Variants in BBS9 observed in about 807,000 individuals in gnomAD.
The protein encoded by BBS9 is Bardet-Biedl syndrome 9.
BBS9 carries 89 observed loss-of-function variants against 117.7 expected under a neutral mutation model. The observed-to-expected ratio is 0.76, with a 90% CI of 0.64 to 0.90. The LOEUF is 0.90. Ranked by LOEUF, BBS9 falls within the 40% of genes least tolerant of loss-of-function variation. The pLI, the probability that BBS9 is intolerant of heterozygous loss-of-function variation, is 0.00. For missense variants in BBS9, 982 were observed against 1,042.2 expected (o/e 0.94, Z 0.80); for synonymous variants, 379 against 370.9 (o/e 1.02, Z -0.25).
intron 19 of BBS9, among the ~76,000 whole-genome samples, chr7:33,442,094 G>A (rs936469523): frequency 6.6e-6 from 1 of 152,068 alleles, no homozygotes; most frequent in Admixed American, 6.6e-5. Context: ...GTTTCACCAT[G>A]TTGGGCAGGC....
At chr7:33,359,779 T>C (rs1584484191) in intron 16 of BBS9, among the ~76,000 whole-genome samples, 2 of 152,232 alleles carry the variant, frequency 1.3e-5, no homozygotes, top group Admixed American at 6.5e-5. Flanking sequence ...ACTCTACATG[T>C]CTTCCCATTT....
intron 21 of BBS9, among the ~76,000 whole-genome samples, chr7:33,628,927 A>G (rs1462008433): frequency 6.6e-6 from 1 of 152,234 alleles, no homozygotes. Context: ...AACAGGAAAG[A>G]CACAAACAAC....
At chr7:33,388,304 A>G (rs1328419776) in intron 19 of BBS9, among the ~76,000 whole-genome samples, 160 bp downstream of exon 19, 7 of 152,216 alleles carry the variant, frequency 4.6e-5, no homozygotes, top group Non-Finnish European at 8.8e-5. Context: ...CCTAGGTTCA[A>G]AGTCAAACTC....
At chr7:33,353,504 G>A (rs1334972586) in intron 15 of BBS9, among the ~76,000 whole-genome samples, 1 of 151,974 alleles carries the variant, frequency 6.6e-6, no homozygotes, top group Non-Finnish European at 1.5e-5. Flanking sequence ...CTCCTTTTAG[G>A]TTTTGAGCTT....
chr7:33,408,035 C>T (rs905938683), intron 19 of BBS9, among the ~76,000 whole-genome samples: 1 of 152,238 alleles, frequency 6.6e-6, no homozygotes, highest in African/African-American at 2.4e-5. Context: ...GCCCTGCCCC[C>T]AGAGGTGGAG....
At chr7:33,197,101 T>C (rs1313249708) in intron 5 of BBS9, among the ~76,000 whole-genome samples, 1 of 152,040 alleles carries the variant, frequency 6.6e-6, no homozygotes, top group Non-Finnish European at 1.5e-5. Flanking sequence ...TTTCTTAGTG[T>C]TGTTTGAAAA....
chr7:33,206,847 G>A (rs1192506306), intron 5 of BBS9, among the ~76,000 whole-genome samples: 3 of 151,970 alleles, frequency 2.0e-5, no homozygotes, highest in African/African-American at 7.2e-5. Flanking sequence ...TCTAGGCTAG[G>A]GATAGGCATT....
chr7:33,544,859 G>C (rs993400086), intron 21 of BBS9, among the ~76,000 whole-genome samples: 1 of 152,004 alleles, frequency 6.6e-6, no homozygotes, highest in East Asian at 1.9e-4. Context: ...TCCTTGAGGG[G>C]GTCTTGTTGC....
At chr7:33,152,944 G>T (rs1793577560) in intron 3 of BBS9, 93 bp downstream of exon 3, 1 of 1,380,842 alleles carries the variant, frequency 7.2e-7, no homozygotes, top group Non-Finnish European at 1.0e-6. Flanking sequence ...GACTATCCAT[G>T]AATTAAATAT....
chr7:33,383,756 A>T lies in BBS9; in HGVS notation c.1880A>T (p.Gln627Leu). The T allele has an allele frequency of 1.9e-6, 3 of 1,612,930 alleles. No homozygotes were observed. The highest frequency in any genetic ancestry group is 2.5e-6 in the Non-Finnish European group (3 of 1,179,622). The part of the protein sequence containing the change: ...ILRLQEYFEK[Q>L]GVKDFACSFS... ...CGCCTTCAAGAATATTTTGAAAAAC[A>T]GGGAGTCAAAGATTTTGCATGTTCT... The change falls in exon 18 of 23, where the codon CAG becomes CTG. Residue 627 changes from glutamine (Q) to leucine (L), a missense_variant. Gln to Leu is a moderately radical substitution (Grantham distance 113). Transcript: ENST00000242067.
At chr7:33,521,473 G>A (rs552318786) in intron 20 of BBS9, among the ~76,000 whole-genome samples, 2 of 152,112 alleles carry the variant, frequency 1.3e-5, no homozygotes, top group African/African-American at 4.8e-5. Flanking sequence ...TGTGAGTTGT[G>A]ACAAAGATAC....
chr7:33,355,468 A>T (rs1483810931), intron 15 of BBS9, among the ~76,000 whole-genome samples: 1 of 151,958 alleles, frequency 6.6e-6, no homozygotes, highest in East Asian at 1.9e-4. Flanking sequence ...AAAGGATTTC[A>T]TAACTTTTTC....
Position 33,388,066 on chromosome 7 carries a change from G to A in BBS9, c.2037G>A (p.Arg679=), listed in dbSNP as rs774728969. ...RAVQFRAIQR[R]LLARFKDKTP... is the part of the protein sequence containing the mutation. ...TACAATTTCGGGCCATTCAACGCCGGCTACTAGCAAGATTCAAAGATAAAA... is the reference window on the plus strand; with the variant it reads ...TACAATTTCGGGCCATTCAACGCCGACTACTAGCAAGATTCAAAGATAAAA... The change falls in exon 19 of 23, where the codon CGG becomes CGA. Residue 679 remains arginine, a synonymous_variant. Coordinates refer to ENST00000242067, the MANE Select transcript of BBS9 (RefSeq NM_198428.3). 1.2e-6 allele frequency: 2 copies of A among 1,614,098 alleles called. No homozygotes were observed. The highest frequency in any genetic ancestry group is 2.2e-5 in the East Asian group (1 of 44,868).
intron 5 of BBS9, among the ~76,000 whole-genome samples, chr7:33,211,602 A>T (rs2128225821): frequency 6.6e-6 from 1 of 152,242 alleles, no homozygotes; most frequent in Non-Finnish European, 1.5e-5. Context: ...TTCATCATTT[A>T]GTCTTTCTAC....
chr7:33,388,507 C>A (rs1199630481), intron 19 of BBS9, among the ~76,000 whole-genome samples: 2 of 152,140 alleles, frequency 1.3e-5, no homozygotes, highest in Non-Finnish European at 1.5e-5. Flanking sequence ...TTGGTGCATT[C>A]CATAATTATT....
chr7:33,408,430 G>T (rs1173776221), intron 19 of BBS9, among the ~76,000 whole-genome samples: 2 of 152,094 alleles, frequency 1.3e-5, no homozygotes, highest in African/African-American at 4.8e-5. Flanking sequence ...CTGGTGCACG[G>T]TGTGCTGCAC....
At chr7:33,357,625 T>C (rs1429221749) in intron 15 of BBS9, 2 of 593,144 alleles carry the variant, frequency 3.4e-6, no homozygotes, top group Non-Finnish European at 6.0e-6. Flanking sequence ...TAAAGACAGA[T>C]CTCATGTCTA....
In BBS9 at chr7:33,402,636, CA is replaced by C. The variant is rs1300014881; in HGVS notation, c.2115+14493del. Among the ~76,000 whole-genome samples, 8 of 152,276 alleles carry C rather than the reference CA, an allele frequency of 5.3e-5. No homozygotes were observed. The South Asian group carries it at 1.7e-3, about 32-fold the overall frequency. ...GTCTTTAGCATCTTTTACCTAATAT[CA>C]TGTTTTTGAGGTTCATCTATCAGTT... On this transcript the variant is annotated intron_variant, in intron 19 of 22. Coordinates refer to ENST00000242067, the MANE Select transcript of BBS9 (RefSeq NM_198428.3).
At chr7:33,215,614 C>T (rs1029110407) in intron 5 of BBS9, among the ~76,000 whole-genome samples, 2 of 152,142 alleles carry the variant, frequency 1.3e-5, no homozygotes, top group Non-Finnish European at 2.9e-5. Context: ...AATGCACACA[C>T]ACACATAGAC....
Sources: allele counts gnomAD v4.1 joint callset (sites outside exome capture counted in the v4.1 genomes callset), GRCh38; gene constraint gnomAD v4.1.1; transcripts MANE v1.5; gene names NCBI Gene and HGNC (gene_info 2026-07-23, HGNC 2026-07-21).